Variants in SLC36A2 observed in about 807,000 individuals in gnomAD.
The protein encoded by SLC36A2 is proton-coupled amino acid transporter 2.
In SLC36A2, 39 loss-of-function variants were observed where a neutral mutation model predicts 42.7. That is an observed-to-expected ratio of 0.91 (90% confidence interval 0.71 to 1.19). The LOEUF is 1.19. Among genes scored for constraint, SLC36A2 ranks in the 50% most tolerant of loss-of-function variants. The probability of loss-of-function intolerance (pLI) is 0.00; values close to 1 mark genes in which losing one functional copy is unlikely to be tolerated. For synonymous variants in SLC36A2, 237 were observed against 240.8 expected, an observed-to-expected ratio of 0.98 and a Z score of 0.15; for missense variants, 590 against 613.7, an observed-to-expected ratio of 0.96 and a Z score of 0.41.
chr5:151,330,105 A>G (rs2127292113), intron 7 of SLC36A2, among the ~76,000 whole-genome samples: 1 of 152,306 alleles, frequency 6.6e-6, no homozygotes, highest in South Asian at 2.1e-4. Flanking sequence ...CATTCAGGTT[A>G]TTGGGATCTC....
chr5:151,330,493 C>G (rs148767747), intron 7 of SLC36A2, among the ~76,000 whole-genome samples: 6 of 152,186 alleles, frequency 3.9e-5, no homozygotes, highest in African/African-American at 1.4e-4. Flanking sequence ...AATCTCAGAT[C>G]AAGAAAATGA....
At chr5:151,317,850 A>G (rs934032494) in intron 9 of SLC36A2, among the ~76,000 whole-genome samples, 2 of 152,214 alleles carry the variant, frequency 1.3e-5, no homozygotes, top group Admixed American at 6.5e-5. Flanking sequence ...GACAATAGGT[A>G]AGATTAACAA....
rs561311256 is a variant in SLC36A2 at position 151,315,149 on chromosome 5, C to G, written c.*1668G>C. On this transcript the variant is annotated 3_prime_UTR_variant, in exon 10 of 10. Coordinates refer to ENST00000335244, the MANE Select transcript of SLC36A2 (RefSeq NM_181776.3). ...CGGACAGGGCTCAACTGGGATGATT[C>G]ATTTATGTTCCACATGGTCTCTGAT... The G allele has an allele frequency of 6.5e-6, 1 of 152,718 alleles. No individual in the cohort carries two copies. The highest frequency in any genetic ancestry group is 1.5e-5 in the Non-Finnish European group (1 of 68,056). The allele number at this position is 152,718 out of a possible 1,614,324, so 9.5% of individuals were successfully genotyped here.
At chr5:151,346,442 C>T (rs1756500216) in intron 1 of SLC36A2, among the ~76,000 whole-genome samples, 1 of 152,156 alleles carries the variant, frequency 6.6e-6, no homozygotes, top group Non-Finnish European at 1.5e-5. Context: ...CATGCACCCT[C>T]CTTTAGTTCA....
intron 1 of SLC36A2, among the ~76,000 whole-genome samples, chr5:151,345,123 C>CT (rs1349818903): frequency 2.0e-5 from 3 of 152,170 alleles, no homozygotes; most frequent in Non-Finnish European, 4.4e-5. Context: ...GGGAGGCACT[C>CT]TATTAGCGGA....
In SLC36A2 at chr5:151,335,314, A is replaced by G. The variant is rs1389344370; in HGVS notation, c.744+15T>C. 12 of 1,595,916 alleles carry G rather than the reference A, an allele frequency of 7.5e-6. No individual in the cohort carries two copies. Among genetic ancestry groups the G allele is most frequent in the Admixed American group, 6.9e-5 (4 of 58,244 alleles). On this transcript the variant is annotated intron_variant, in intron 6 of 9. Coordinates refer to ENST00000335244, the MANE Select transcript of SLC36A2 (RefSeq NM_181776.3). ...CCTGCCCAGTGGAGTGGGCAGGTGCATGGTGTGCACTCACCTGGGTAATGT... is the reference window on the plus strand; with the variant it reads ...CCTGCCCAGTGGAGTGGGCAGGTGCGTGGTGTGCACTCACCTGGGTAATGT...
At chr5:151,339,034 C>A in intron 5 of SLC36A2, 26 bp downstream of exon 5, 1 of 1,559,984 alleles carries the variant, frequency 6.4e-7, no homozygotes. Context: ...ATCTTTTCCC[C>A]TCCCGTTTTC....
chr5:151,328,352 G>C (rs929182109), intron 7 of SLC36A2, among the ~76,000 whole-genome samples: 16 of 152,166 alleles, frequency 1.1e-4, no homozygotes, highest in African/African-American at 3.9e-4. Flanking sequence ...CTGTCATGGT[G>C]GTGAGTTTCC....
Position 151,317,027 on chromosome 5 carries a change from A to G in SLC36A2, c.1242T>C (p.Ser414=), listed in dbSNP as rs1755517711. The change falls in exon 10 of 10, where the codon AGT becomes AGC. Residue 414 remains serine (S), a synonymous_variant. Transcript: ENST00000335244. The part of the protein sequence containing the change: ...DLVISLVGSV[S]GTALALIIPP... ...GGATGATGAGGGCCAGGGCGGTGCC[A>G]CTCACGGAGCCCACCAGGGAGATGA... is the stretch of plus-strand genomic sequence containing the variant. The G allele has an allele frequency of 1.9e-6, 3 of 1,613,926 alleles. No homozygotes were observed. Among genetic ancestry groups the G allele is most frequent in the African/African-American group, 2.7e-5 (2 of 74,900 alleles).
At chr5:151,337,089 A>G (rs1454573595) in intron 5 of SLC36A2, among the ~76,000 whole-genome samples, 4 of 152,148 alleles carry the variant, frequency 2.6e-5, no homozygotes, top group Non-Finnish European at 5.9e-5. Flanking sequence ...CCTCACTACA[A>G]TTGGAAAAAT....
chr5:151,347,297 G>C lies in SLC36A2; in HGVS notation c.164C>G (p.Thr55Arg). ...AGGGATGGCAGAAAACAGCACTCAC[G>C]TTATGCCCTTGGTCTTCTTCAAGCC... ...SAGLKKTKGI[T>R]VFQALIHLVK... is the part of the protein sequence containing the mutation. The change falls in exon 1 of 10, where the codon ACA becomes AGA. Residue 55 changes from threonine (T) to arginine (R), a missense_variant and splice_region_variant. Thr to Arg is a moderately conservative substitution (Grantham distance 71, BLOSUM62 -1). Transcript: ENST00000335244. 1 of 1,614,172 alleles carries C rather than the reference G, an allele frequency of 6.2e-7. No homozygotes were observed. The highest frequency in any genetic ancestry group is 1.1e-5 in the South Asian group (1 of 91,086).
intron 8 of SLC36A2, 64 bp downstream of exon 8, chr5:151,325,222 G>T (rs2127288379): frequency 6.4e-7 from 1 of 1,568,992 alleles, no homozygotes; most frequent in Non-Finnish European, 8.7e-7. Flanking sequence ...GAAGGGAGGA[G>T]GAAGTGACCT....
intron 8 of SLC36A2, among the ~76,000 whole-genome samples, chr5:151,324,748 A>G (rs1580847331): frequency 6.6e-6 from 1 of 152,164 alleles, no homozygotes; most frequent in African/African-American, 2.4e-5. Context: ...TGATCTTCCT[A>G]CCTCAGCATC....
chr5:151,324,221 C>A (rs1266734161), intron 8 of SLC36A2, among the ~76,000 whole-genome samples: 2 of 152,148 alleles, frequency 1.3e-5, no homozygotes, highest in African/African-American at 4.8e-5. Context: ...TGGTTCACTG[C>A]AACCTCCACC....
chr5:151,338,919 G>A (rs1756238392), intron 5 of SLC36A2, 141 bp downstream of exon 5: 3 of 674,698 alleles, frequency 4.4e-6, no homozygotes, highest in Non-Finnish European at 5.6e-6. Flanking sequence ...GTGAACTAGG[G>A]GAGGCAAGTT....
intron 4 of SLC36A2, among the ~76,000 whole-genome samples, chr5:151,342,515 G>A (rs56068736): frequency 0.027 from 4,157 of 152,166 alleles, 192 homozygotes; most frequent in African/African-American, 0.093. Context: ...ATATCCAAGC[G>A]GCTATTAAAT....
intron 8 of SLC36A2, among the ~76,000 whole-genome samples, chr5:151,324,624 G>A (rs1008183452): frequency 2.0e-5 from 3 of 151,996 alleles, no homozygotes; most frequent in Admixed American, 6.6e-5. Context: ...GAGCCATCAC[G>A]CCTGGCCTGT....
chr5:151,340,945 T>C, intron 4 of SLC36A2, among the ~76,000 whole-genome samples: 1 of 152,204 alleles, frequency 6.6e-6, no homozygotes, highest in East Asian at 1.9e-4. Context: ...ATATTGAATG[T>C]AGATAGGATG....
At chr5:151,334,223 G>A (rs1017766847) in intron 6 of SLC36A2, among the ~76,000 whole-genome samples, 7 of 152,200 alleles carry the variant, frequency 4.6e-5, no homozygotes, top group African/African-American at 1.7e-4. Context: ...TCTAAGGTAT[G>A]TGAGGCTGAT....
Sources: allele counts gnomAD v4.1 joint callset (sites outside exome capture counted in the v4.1 genomes callset), GRCh38; gene constraint gnomAD v4.1.1; transcripts MANE v1.5; gene names NCBI Gene and HGNC (gene_info 2026-07-23, HGNC 2026-07-21).